The following UGT2B28 variants were observed in gnomAD, a reference collection of about 807,000 sequenced individuals.
UGT2B28 encodes the protein UDP glucuronosyltransferase family 2 member B28.
UGT2B28 carries 45 observed loss-of-function variants against 43.6 expected under a neutral mutation model. That is an observed-to-expected ratio of 1.03 (90% confidence interval 0.81 to 1.32). UGT2B28 has a LOEUF of 1.32. Ranked by LOEUF, UGT2B28 falls within the 40% of genes most tolerant of loss-of-function variation. UGT2B28 has a pLI of 0.00. For synonymous variants in UGT2B28, 204 were observed against 208.1 expected (o/e 0.98, Z 0.17); for missense variants, 649 against 625.5 (o/e 1.04, Z -0.40).
intron 2 of UGT2B28, among the ~76,000 whole-genome samples, chr4:69,286,095 T>C (rs1398382081): frequency 7.1e-6 from 1 of 141,464 alleles, no homozygotes; most frequent in East Asian, 2.0e-4. Flanking sequence ...AAATTCCAAA[T>C]CACAATACTA....
At chr4:69,292,439 G>A (rs1175193021) in intron 5 of UGT2B28, among the ~76,000 whole-genome samples, 1 of 140,300 alleles carries the variant, frequency 7.1e-6, no homozygotes, top group Non-Finnish European at 1.5e-5. Flanking sequence ...TAATTGAAAA[G>A]CAACACAAAC....
At chr4:69,285,550 G>A (rs1359427531) in intron 2 of UGT2B28, among the ~76,000 whole-genome samples, 3 of 140,272 alleles carry the variant, frequency 2.1e-5, no homozygotes, top group East Asian at 2.0e-4. Context: ...CAGGTATTAC[G>A]TGGAATAGTA....
chr4:69,292,126 T>G (rs2109697007), intron 5 of UGT2B28, among the ~76,000 whole-genome samples: 1 of 140,912 alleles, frequency 7.1e-6, no homozygotes, highest in Non-Finnish European at 1.5e-5. Context: ...GATATATAAT[T>G]TTTAAATATT....
In UGT2B28 at chr4:69,286,737, A is replaced by C. The variant is rs1353401926; in HGVS notation, c.871-15A>C. 11 of 1,552,738 alleles carry C rather than the reference A, an allele frequency of 7.1e-6. 1 individual carries two copies. The highest frequency in any genetic ancestry group is 4.6e-5 in the East Asian group (2 of 43,440). On this transcript the variant is annotated splice_polypyrimidine_tract_variant and intron_variant, in intron 2 of 5. Coordinates refer to ENST00000335568, the MANE Select transcript of UGT2B28 (RefSeq NM_053039.2). ...TGGTGATACTCTTTTGTGATTAAAC[A>C]ATTTTTTTTCACAGGAAATGGAGGA...
intron 3 of UGT2B28, among the ~76,000 whole-genome samples, chr4:69,288,945 A>G (rs1723860899): frequency 7.1e-6 from 1 of 140,514 alleles, no homozygotes; most frequent in South Asian, 2.4e-4. Flanking sequence ...GCTGCATAAT[A>G]TTCTGTAGTG....
chr4:69,292,164 T>C (rs1723973821), intron 5 of UGT2B28, among the ~76,000 whole-genome samples: 1 of 140,716 alleles, frequency 7.1e-6, no homozygotes, highest in Non-Finnish European at 1.5e-5. Flanking sequence ...CACTAACTTT[T>C]TACTTTTTGA....
chr4:69,287,039 T>G lies in UGT2B28; in HGVS notation c.1002+156T>G, dbSNP rs193090565. On this transcript the variant is annotated intron_variant, in intron 3 of 5. Coordinates refer to ENST00000335568, the MANE Select transcript of UGT2B28 (RefSeq NM_053039.2). The stretch of plus-strand genomic sequence containing the variant: ...AGCTTCCACCGACACAAGTCATAGT[T>G]GTGCCTCAGACTTAGTGGTTACATG... 8.6e-5 allele frequency among the ~76,000 whole-genome samples: 12 copies of G among 139,110 alleles called. No individual in the cohort carries two copies. The East Asian group carries it at 2.5e-3, about 29-fold the overall frequency. 91.3% of individuals were successfully genotyped at this position (139,110 alleles called of 152,430 possible).
At position 69,280,548 on chromosome 4, in the gene UGT2B28, T is replaced by C; in HGVS notation, c.48T>C (p.Cys16=). Residue 16 remains cysteine, a synonymous_variant, in exon 1 of 6, where the codon TGT becomes TGC. Coordinates refer to ENST00000335568, the MANE Select transcript of UGT2B28 (RefSeq NM_053039.2). ...TSVLLLIHLG[C]YFSSGSCGKV... Reference sequence around the variant, plus strand: ...TTCTTCTGCTGATACATCTCGGTTGTTACTTTAGCTCTGGGAGTTGTGGAA... The same window carrying C: ...TTCTTCTGCTGATACATCTCGGTTGCTACTTTAGCTCTGGGAGTTGTGGAA... The C allele has an allele frequency of 6.4e-7, 1 of 1,559,924 alleles. No individual in the cohort carries two copies. The highest frequency in any genetic ancestry group is 8.7e-7 in the Non-Finnish European group (1 of 1,155,474).
intron 3 of UGT2B28, 95 bp from the exon 4 acceptor site, chr4:69,289,570 A>G: frequency 9.0e-7 from 1 of 1,114,422 alleles, no homozygotes; most frequent in Non-Finnish European, 1.2e-6. Context: ...ATTTACTAAC[A>G]TCCCTTGATC....
intron 2 of UGT2B28, among the ~76,000 whole-genome samples, chr4:69,283,964 C>G (rs545743910): frequency 7.1e-6 from 1 of 140,970 alleles, no homozygotes; most frequent in East Asian, 2.0e-4. Flanking sequence ...CTCAACAATA[C>G]AAATGTGTGC....
intron 2 of UGT2B28, among the ~76,000 whole-genome samples, chr4:69,286,311 C>G (rs1249330171): frequency 7.1e-6 from 1 of 140,912 alleles, no homozygotes. Flanking sequence ...TGGCTTCAAA[C>G]TAAAAGAATT....
chr4:69,292,079 A>C (rs187549476), intron 5 of UGT2B28, among the ~76,000 whole-genome samples: 1 of 140,908 alleles, frequency 7.1e-6, no homozygotes, highest in Admixed American at 7.1e-5. Flanking sequence ...CTTATTATTA[A>C]GTTTTAAGAA....
intron 2 of UGT2B28, 32 bp from the exon 3 acceptor site, chr4:69,286,720 C>T (rs1453169186): frequency 6.5e-7 from 1 of 1,548,080 alleles, no homozygotes; most frequent in East Asian, 2.3e-5. Flanking sequence ...TGTGGTGATA[C>T]TCTTTTGTGA....
rs1347872269 is a variant in UGT2B28 at position 69,288,425 on chromosome 4, G to C, written c.1003-1240G>C. Among the ~76,000 whole-genome samples, 5 of 138,932 alleles carry C rather than the reference G, an allele frequency of 3.6e-5. 1 individual carries two copies. Among genetic ancestry groups the C allele is most frequent in the African/African-American group, 1.4e-4 (5 of 35,716 alleles). 91.1% of individuals were successfully genotyped at this position (138,932 alleles called of 152,430 possible). On this transcript the variant is annotated intron_variant, in intron 3 of 5. Transcript: ENST00000335568. Reference sequence around the variant, plus strand: ...CTTCTCATATTATTCAAAAACAAATGAATATATTACAATTAAATTTGGAGA... The same window carrying C: ...CTTCTCATATTATTCAAAAACAAATCAATATATTACAATTAAATTTGGAGA...
rs771554079 is a variant in UGT2B28, at chr4:69,283,149, T to A, written c.870+487T>A. ...TCAGTGGAGATAATAGAAAGTATCC[T>A]GGAGTCATGGATTAGTAAGATGAGA... On this transcript the variant is annotated intron_variant, in intron 2 of 5. Coordinates refer to ENST00000335568, the MANE Select transcript of UGT2B28 (RefSeq NM_053039.2). Among the ~76,000 whole-genome samples the A allele has an allele frequency of 1.4e-5, 2 of 139,788 alleles. 1 individual carries two copies. 91.7% of individuals were successfully genotyped at this position (139,788 alleles called of 152,430 possible).
rs1361754783 is a variant in UGT2B28, at chr4:69,293,615, G to C, written c.1311-915G>C. ...AGAAGCATGCCTTGGGTTGCAGCAA[G>C]AAAGAGTACTCCAAGAGCAGGAGAG... On this transcript the variant is annotated intron_variant, in intron 5 of 5. Coordinates refer to ENST00000335568, the MANE Select transcript of UGT2B28 (RefSeq NM_053039.2). Among the ~76,000 whole-genome samples, 5 of 139,526 alleles carry C rather than the reference G, an allele frequency of 3.6e-5. 2 individuals carry two copies. Among genetic ancestry groups the C allele is most frequent in the Admixed American group, 1.4e-4 (2 of 13,836 alleles). The allele number at this position is 139,526 out of a possible 152,430, so 91.5% of individuals were successfully genotyped here. A position where few individuals can be genotyped will look rare whatever the true frequency, so the allele number is the denominator to read the frequency against.
In UGT2B28 at chr4:69,294,854, C is replaced by T. The variant is rs1338250294; in HGVS notation, c.*45C>T. On this transcript the variant is annotated 3_prime_UTR_variant, in exon 6 of 6. Transcript: ENST00000335568. ...CTGGAAAACCAGATAGATGGGTTGACATCAGTTTATTCCAGCAAGAAAGAA... is the reference window on the plus strand; with the variant it reads ...CTGGAAAACCAGATAGATGGGTTGATATCAGTTTATTCCAGCAAGAAAGAA... 31 of 1,483,368 alleles carry T rather than the reference C, an allele frequency of 2.1e-5. 3 individuals are homozygous for T. In the Admixed American group the frequency reaches 6.4e-4, roughly 31 times the overall value. The allele number at this position is 1,483,368 out of a possible 1,614,324, so 91.9% of individuals were successfully genotyped here.
intron 3 of UGT2B28, among the ~76,000 whole-genome samples, chr4:69,287,489 T>C (rs1197992693): frequency 7.1e-6 from 1 of 140,952 alleles, no homozygotes; most frequent in East Asian, 2.0e-4. Context: ...ACTATTTCTG[T>C]TTGTACTTTA....
intron 3 of UGT2B28, 58 bp downstream of exon 3, chr4:69,286,941 A>C: frequency 1.3e-6 from 2 of 1,531,974 alleles, no homozygotes; most frequent in Non-Finnish European, 8.7e-7. Context: ...TTAAAGTTTG[A>C]GATCTACACA....
Sources: allele counts gnomAD v4.1 joint callset (sites outside exome capture counted in the v4.1 genomes callset), GRCh38; gene constraint gnomAD v4.1.1; transcripts MANE v1.5; gene names NCBI Gene and HGNC (gene_info 2026-07-23, HGNC 2026-07-21).